Variants in DPP6 observed in about 807,000 individuals in gnomAD.
The protein encoded by DPP6 is A-type potassium channel modulatory protein DPP6.
A neutral mutation model predicts 122.6 loss-of-function variants in DPP6; 69 were observed. The observed-to-expected ratio is 0.56, with a 90% CI of 0.46 to 0.69. DPP6 has a LOEUF of 0.69. DPP6 is among the 30% of genes least tolerant of loss of function. The probability of loss-of-function intolerance (pLI) is 0.00; values close to 1 mark genes in which losing one functional copy is unlikely to be tolerated. For missense variants in DPP6, 928 were observed against 1,116.9 expected, an observed-to-expected ratio of 0.83 and a Z score of 2.41; for synonymous variants, 418 against 433.1, an observed-to-expected ratio of 0.97 and a Z score of 0.43.
At chr7:154,027,692 G>T (rs1364273194) in intron 1 of DPP6, among the ~76,000 whole-genome samples, 4 of 151,740 alleles carry the variant, frequency 2.6e-5, no homozygotes, top group African/African-American at 9.7e-5. Context: ...GATGAACAGA[G>T]ACTTCTGGAG....
chr7:154,654,577 C>A (rs1052896489), intron 6 of DPP6, among the ~76,000 whole-genome samples: 1 of 151,950 alleles, frequency 6.6e-6, no homozygotes, highest in South Asian at 2.1e-4. Context: ...TGCCACCACA[C>A]CCAGCTAATT....
At chr7:154,763,378 A>G (rs376190938) in intron 8 of DPP6, among the ~76,000 whole-genome samples, 4 of 145,776 alleles carry the variant, frequency 2.7e-5, no homozygotes, top group Admixed American at 6.8e-5. Flanking sequence ...GAGAGAGAGA[A>G]AGAAAGAAAG....
intron 1 of DPP6, among the ~76,000 whole-genome samples, chr7:154,407,795 G>A (rs930435987): frequency 5.9e-5 from 9 of 152,088 alleles, no homozygotes; most frequent in South Asian, 2.1e-4. Flanking sequence ...CTAATATACC[G>A]TGTCCAATAT....
intron 1 of DPP6, among the ~76,000 whole-genome samples, chr7:153,895,727 TGC>T (rs1491386988): frequency 1.4e-4 from 11 of 78,184 alleles, no homozygotes; most frequent in African/African-American, 4.2e-4. Flanking sequence ...TGTGCATGCG[TGC>T]ACACACACAC....
In DPP6 at chr7:154,123,687, C is replaced by T. The variant is rs143477109; in HGVS notation, c.243+70624C>T. Among the ~76,000 whole-genome samples the T allele has an allele frequency of 6.1e-3, 922 of 151,838 alleles. 12 individuals are homozygous for T. The highest frequency in any genetic ancestry group is 0.022 in the African/African-American group (893 of 41,406). On this transcript the variant is annotated intron_variant, in intron 1 of 25. Coordinates refer to ENST00000377770, the MANE Select transcript of DPP6 (RefSeq NM_130797.4). ...TGTGCCGCCTGCTCACAGGGCTTAC[C>T]TGGGACAAATGTGCCGCTCGCTCAC...
At chr7:154,669,478 T>C in intron 7 of DPP6, 37 bp downstream of exon 7, 1 of 1,547,132 alleles carries the variant, frequency 6.5e-7, no homozygotes. Flanking sequence ...ACTTGGGTTT[T>C]GAGGAAGTTT....
At chr7:154,471,205 T>A (rs181318025) in intron 2 of DPP6, among the ~76,000 whole-genome samples, 1 of 152,026 alleles carries the variant, frequency 6.6e-6, no homozygotes, top group Admixed American at 6.6e-5. Context: ...GAGCCAAGAT[T>A]GCGCCACCAC....
chr7:154,834,611 T>C (rs1017711386), intron 16 of DPP6, among the ~76,000 whole-genome samples: 5 of 152,218 alleles, frequency 3.3e-5, no homozygotes, highest in Non-Finnish European at 7.3e-5. Flanking sequence ...ACATTTCACA[T>C]GTGAGAAGAG....
chr7:154,115,731 T>G (rs1382282447), intron 1 of DPP6, among the ~76,000 whole-genome samples: 1 of 152,180 alleles, frequency 6.6e-6, no homozygotes, highest in Non-Finnish European at 1.5e-5. Context: ...TCACATTTGG[T>G]TGGTTGACTT....
At chr7:154,035,184 A>G (rs1187317281) in intron 1 of DPP6, among the ~76,000 whole-genome samples, 1 of 152,216 alleles carries the variant, frequency 6.6e-6, no homozygotes, top group East Asian at 1.9e-4. Flanking sequence ...TCACTAGCTC[A>G]TCATTGGGGT....
intron 4 of DPP6, among the ~76,000 whole-genome samples, chr7:154,544,141 T>C: frequency 6.9e-6 from 1 of 144,994 alleles, no homozygotes; most frequent in South Asian, 2.1e-4. Flanking sequence ...ATATGTATTT[T>C]ATATATATAT....
At chr7:154,372,732 C>T (rs981333445) in intron 1 of DPP6, among the ~76,000 whole-genome samples, 8 of 152,150 alleles carry the variant, frequency 5.3e-5, no homozygotes, top group South Asian at 4.1e-4. Flanking sequence ...AGGAAAGCAA[C>T]GGGACTGAAC....
chr7:154,876,301 A>C, intron 20 of DPP6: 1 of 981,900 alleles, frequency 1.0e-6, no homozygotes, highest in Non-Finnish European at 1.4e-6. Context: ...ATTTATAACT[A>C]GTTTTCCCAC....
rs143451299 is a variant in DPP6 at position 154,832,160 on chromosome 7, T to G, written c.1667-21620T>G. ...TCCCTCATGCGTTCGGCTCAGTTCC[T>G]GAGTGGCTGCCGTATGCCAGGCAAC... On this transcript the variant is annotated intron_variant, in intron 16 of 25. Transcript: ENST00000377770. Among the ~76,000 whole-genome samples the G allele has an allele frequency of 2.5e-3, 376 of 152,324 alleles. 3 individuals carry two copies. The highest frequency in any genetic ancestry group is 6.8e-3 in the Middle Eastern group (2 of 294).
chr7:154,833,113 C>A lies in DPP6; in HGVS notation c.1667-20667C>A, dbSNP rs1800760195. ...GACCCAAGCTTGGGGAAGGGACTAG[C>A]ACGTGCTGAGACCTCTGCTAAGTGG... On this transcript the variant is annotated intron_variant, in intron 16 of 25. Transcript: ENST00000377770. This position sits in a 1 kb window ranked among gnomAD's most constrained non-coding sequence, Gnocchi z 4.3. Among the ~76,000 whole-genome samples the A allele has an allele frequency of 6.6e-6, 1 of 152,196 alleles. No homozygotes were observed. Among genetic ancestry groups the A allele is most frequent in the African/African-American group, 2.4e-5 (1 of 41,454 alleles).
At chr7:154,820,623 C>G (rs997243035) in intron 16 of DPP6, among the ~76,000 whole-genome samples, 2 of 152,056 alleles carry the variant, frequency 1.3e-5, no homozygotes, top group Non-Finnish European at 2.9e-5. Context: ...GAAAATACAA[C>G]CAAAAGGCTT....
chr7:154,188,510 C>G (rs918461350), intron 1 of DPP6, among the ~76,000 whole-genome samples: 4 of 151,972 alleles, frequency 2.6e-5, no homozygotes, highest in Admixed American at 2.0e-4. Context: ...GTGGGGGTCT[C>G]TAAGTCTGAT....
At chr7:154,040,523 A>G (rs1425643813) in intron 1 of DPP6, among the ~76,000 whole-genome samples, 1 of 148,246 alleles carries the variant, frequency 6.7e-6, no homozygotes, top group East Asian at 2.0e-4. Context: ...CCTGCCTTAT[A>G]TAAACAAGGC....
At chr7:154,888,598 G>A (rs1806354342) in intron 23 of DPP6, among the ~76,000 whole-genome samples, 2 of 152,234 alleles carry the variant, frequency 1.3e-5, no homozygotes, top group East Asian at 1.9e-4. Context: ...AGCTCCCTGA[G>A]GCTCCAGGTG....
Sources: allele counts gnomAD v4.1 joint callset (sites outside exome capture counted in the v4.1 genomes callset), GRCh38; gene constraint gnomAD v4.1.1; non-coding constraint Gnocchi (gnomAD v3.1); transcripts MANE v1.5; gene names NCBI Gene and HGNC (gene_info 2026-07-23, HGNC 2026-07-21).